SLC12A2: variants seen among roughly 807,000 people sequenced by gnomAD.
The protein encoded by SLC12A2 is Na-K-2Cl cotransporter 1.
A neutral mutation model predicts 136.3 loss-of-function variants in SLC12A2; 67 were observed. The ratio of observed to expected loss-of-function variants is 0.49; its 90% CI spans 0.40 to 0.60. The LOEUF (loss-of-function observed/expected upper bound fraction) is 0.60, where lower values mean the gene tolerates loss of function less well. Among genes scored for constraint, SLC12A2 ranks in the 20% least tolerant of loss-of-function variants. The pLI is 0.00. For synonymous variants in SLC12A2, 619 were observed against 562.9 expected (o/e 1.10, Z -1.41); for missense variants, 1,322 against 1,534.7 (o/e 0.86, Z 2.32).
At chr5:128,092,035 G>T (rs575860832) in intron 1 of SLC12A2, among the ~76,000 whole-genome samples, 1 of 152,130 alleles carries the variant, frequency 6.6e-6, no homozygotes, top group Non-Finnish European at 1.5e-5. Flanking sequence ...GAGCGTAGGT[G>T]GTTTGGCAGG....
At chr5:128,099,864 A>G (rs1346649116) in intron 1 of SLC12A2, among the ~76,000 whole-genome samples, 1 of 152,140 alleles carries the variant, frequency 6.6e-6, no homozygotes, top group Non-Finnish European at 1.5e-5. Context: ...TAATAACAGT[A>G]TACATTCCTT....
chr5:128,174,009 T>C (rs1357763934), intron 19 of SLC12A2, among the ~76,000 whole-genome samples: 1 of 152,148 alleles, frequency 6.6e-6, no homozygotes, highest in East Asian at 1.9e-4. Flanking sequence ...TACGTATCTA[T>C]GGACAGTTGT....
At chr5:128,101,911 ATTTCAT>A in intron 1 of SLC12A2, among the ~76,000 whole-genome samples, 1 of 152,134 alleles carries the variant, frequency 6.6e-6, no homozygotes, top group African/African-American at 2.4e-5. Flanking sequence ...TGGAATGGTG[ATTTCAT>A]ATTTGTATGC....
chr5:128,158,731 G>A (rs946285894), intron 16 of SLC12A2, among the ~76,000 whole-genome samples: 1 of 152,146 alleles, frequency 6.6e-6, no homozygotes, highest in Admixed American at 6.6e-5. Flanking sequence ...TAATGGGATT[G>A]CTGAGTCGAA....
In SLC12A2 at chr5:128,183,008, T is replaced by TA. The variant is rs1412832273; in HGVS notation, c.3299+71dup. 7 of 956,774 alleles carry TA rather than the reference T, an allele frequency of 7.3e-6. No homozygotes were observed. In the Admixed American group the frequency reaches 1.7e-4, roughly 24 times the overall value. 59.3% of individuals were successfully genotyped at this position (956,774 alleles called of 1,614,324 possible). On this transcript the variant is annotated intron_variant, in intron 24 of 26. Coordinates refer to ENST00000262461, the MANE Select transcript of SLC12A2 (RefSeq NM_001046.3). The stretch of plus-strand genomic sequence containing the variant: ...TACTCAGACACAGATTCAACTTAAT[T>TA]AAAACCCAGAGATTTTTTTCCTGTT...
chr5:128,142,101 T>G, intron 10 of SLC12A2, 120 bp downstream of exon 10: 1 of 842,278 alleles, frequency 1.2e-6, no homozygotes, highest in Non-Finnish European at 1.8e-6. Flanking sequence ...GTTATTTTTT[T>G]TAATTTTTAA....
chr5:128,123,261 C>G (rs1761655993), intron 4 of SLC12A2, among the ~76,000 whole-genome samples: 1 of 152,064 alleles, frequency 6.6e-6, no homozygotes, highest in Non-Finnish European at 1.5e-5. Context: ...TGTCACCTCA[C>G]CTTTCCCTAT....
chr5:128,130,022 C>G (rs1026242370), intron 4 of SLC12A2, among the ~76,000 whole-genome samples: 6 of 149,086 alleles, frequency 4.0e-5, no homozygotes, highest in Middle Eastern at 3.2e-3. Context: ...ATTATATGCT[C>G]TTGTGAGACT....
intron 1 of SLC12A2, among the ~76,000 whole-genome samples, chr5:128,098,787 G>C (rs1293736568): frequency 1.3e-5 from 2 of 151,952 alleles, no homozygotes; most frequent in African/African-American, 2.4e-5. Context: ...TGGCCCCTGG[G>C]GAGTCTCCCC....
chr5:128,103,679 T>A (rs1760825170), intron 1 of SLC12A2, among the ~76,000 whole-genome samples: 1 of 151,486 alleles, frequency 6.6e-6, no homozygotes, highest in Non-Finnish European at 1.5e-5. Context: ...GAAGGCTGCA[T>A]TTAAACTAAG....
chr5:128,129,706 A>G (rs1761945439), intron 4 of SLC12A2, among the ~76,000 whole-genome samples: 1 of 152,162 alleles, frequency 6.6e-6, no homozygotes. Context: ...CAGCTGTTTA[A>G]TGACATTTCA....
chr5:128,094,197 T>C (rs1225407403), intron 1 of SLC12A2, among the ~76,000 whole-genome samples: 1 of 151,076 alleles, frequency 6.6e-6, no homozygotes, highest in Non-Finnish European at 1.5e-5. Context: ...AAGCTGACTT[T>C]GTGATTGATC....
intron 1 of SLC12A2, among the ~76,000 whole-genome samples, chr5:128,096,874 A>G (rs1271263570): frequency 6.6e-6 from 1 of 152,100 alleles, no homozygotes; most frequent in African/African-American, 2.4e-5. Context: ...GGAACAGAAG[A>G]TAAGAAAATC....
chr5:128,122,517 T>C (rs1229064837), intron 4 of SLC12A2, among the ~76,000 whole-genome samples: 1 of 152,150 alleles, frequency 6.6e-6, no homozygotes, highest in Non-Finnish European at 1.5e-5. Context: ...GAACAAAAAA[T>C]CAATTATACC....
chr5:128,185,484 G>T (rs1392298776), intron 26 of SLC12A2, among the ~76,000 whole-genome samples: 1 of 151,832 alleles, frequency 6.6e-6, no homozygotes, highest in Non-Finnish European at 1.5e-5. Context: ...GCCAAGTAAT[G>T]AAAAAAACTA....
chr5:128,151,426 G>A (rs778071780), intron 14 of SLC12A2, 30 bp downstream of exon 14: 1 of 1,581,412 alleles, frequency 6.3e-7, no homozygotes, highest in African/African-American at 1.4e-5. Flanking sequence ...TATATCCCAA[G>A]CTAGAAAACA....
At chr5:128,118,895 T>A (rs1161422582) in intron 4 of SLC12A2, among the ~76,000 whole-genome samples, 1 of 151,996 alleles carries the variant, frequency 6.6e-6, no homozygotes, top group Non-Finnish European at 1.5e-5. Flanking sequence ...CAGCATAGGG[T>A]GATGACAGAA....
Position 128,129,413 on chromosome 5 carries a change from G to A in SLC12A2, c.1049-1654G>A, listed in dbSNP as rs189058675. Reference sequence around the variant, plus strand: ...AGTTTTTAGTGTTCAAGAATATTTCGTGGAAAATTTTAAGTCATTTTTATC... The same window carrying A: ...AGTTTTTAGTGTTCAAGAATATTTCATGGAAAATTTTAAGTCATTTTTATC... On this transcript the variant is annotated intron_variant, in intron 4 of 26. Coordinates refer to ENST00000262461, the MANE Select transcript of SLC12A2 (RefSeq NM_001046.3). Among the ~76,000 whole-genome samples, 6 of 150,848 alleles carry A rather than the reference G, an allele frequency of 4.0e-5. No individual in the cohort carries two copies. The East Asian group carries it at 7.8e-4, about 19-fold the overall frequency.
At chr5:128,151,417 A>G (rs2126723148) in intron 14 of SLC12A2, 21 bp downstream of exon 14, 1 of 1,598,166 alleles carries the variant, frequency 6.3e-7, no homozygotes, top group Non-Finnish European at 8.5e-7. Context: ...TTTTTTGTTT[A>G]TATCCCAAGC....
Sources: gnomAD v4.1 joint callset for allele counts (sites outside exome capture counted in the v4.1 genomes callset) on GRCh38, gnomAD v4.1.1 for gene constraint, MANE v1.5 for transcripts, NCBI Gene and HGNC (gene_info 2026-07-23, HGNC 2026-07-21) for gene names.